FARSB: variants seen among roughly 807,000 people sequenced by gnomAD.
FARSB encodes the protein phenylalanyl-tRNA synthetase subunit beta.
A neutral mutation model predicts 69.6 loss-of-function variants in FARSB; 40 were observed. The ratio of observed to expected loss-of-function variants is 0.57; its 90% CI spans 0.45 to 0.75. The LOEUF (loss-of-function observed/expected upper bound fraction) is 0.75, where lower values mean the gene tolerates loss of function less well. Ranked by LOEUF, FARSB falls within the 30% of genes least tolerant of loss-of-function variation. The pLI, the probability that FARSB is intolerant of heterozygous loss-of-function variation, is 0.00. For synonymous variants in FARSB, 235 were observed against 247.2 expected (o/e 0.95, Z 0.46); for missense variants, 632 against 722.9 (o/e 0.87, Z 1.44).
At chr2:222,627,956 G>C (rs929958126) in intron 10 of FARSB, among the ~76,000 whole-genome samples, 4 of 152,208 alleles carry the variant, frequency 2.6e-5, no homozygotes, top group South Asian at 4.1e-4. Flanking sequence ...ATACTGTTAT[G>C]TTTTAGAACA....
Position 222,592,517 on chromosome 2 carries a change from G to A in FARSB, c.1618+7411C>T, listed in dbSNP as rs1320585162. 4.6e-5 allele frequency among the ~76,000 whole-genome samples: 7 copies of A among 151,948 alleles called. 1 individual carries two copies. The highest frequency in any genetic ancestry group is 4.6e-4 in the Admixed American group (7 of 15,216). The stretch of plus-strand genomic sequence containing the variant: ...TGAGGAAAGTAAATCTGTCTCACAT[G>A]TATAAGATAAAAACTGAGTAATCAG... On this transcript the variant is annotated intron_variant, in intron 16 of 16. Transcript: ENST00000281828.
intron 16 of FARSB, among the ~76,000 whole-genome samples, chr2:222,594,084 C>T (rs1317700732): frequency 1.5e-5 from 2 of 135,564 alleles, no homozygotes; most frequent in Non-Finnish European, 3.1e-5. Flanking sequence ...AGGCAAAAAC[C>T]CGCCTCTACA....
At chr2:222,576,102 C>T (rs1268137970) in intron 16 of FARSB, among the ~76,000 whole-genome samples, 1 of 151,714 alleles carries the variant, frequency 6.6e-6, no homozygotes, top group African/African-American at 2.4e-5. Context: ...CTGAGCAGAC[C>T]CCCTAATCTG....
chr2:222,651,616 T>A (rs1692039585), intron 1 of FARSB, among the ~76,000 whole-genome samples: 1 of 152,214 alleles, frequency 6.6e-6, no homozygotes, highest in Non-Finnish European at 1.5e-5. Context: ...TAGGGCTTAA[T>A]TAAGAGCACT....
At chr2:222,614,503 T>C (rs1690946084) in intron 14 of FARSB, among the ~76,000 whole-genome samples, 2 of 152,242 alleles carry the variant, frequency 1.3e-5, no homozygotes, top group Non-Finnish European at 2.9e-5. Flanking sequence ...TCCTGCCTCA[T>C]TTCACAAAGT....
intron 14 of FARSB, among the ~76,000 whole-genome samples, chr2:222,614,639 G>C (rs1012421200): frequency 1.3e-5 from 2 of 152,180 alleles, no homozygotes; most frequent in South Asian, 4.1e-4. Flanking sequence ...GAGGCTAGTA[G>C]TTCAAGACCA....
At chr2:222,634,637 C>A in intron 5 of FARSB, 96 bp from the exon 6 acceptor site, 1 of 896,604 alleles carries the variant, frequency 1.1e-6, no homozygotes, top group Non-Finnish European at 1.6e-6. Flanking sequence ...CTAAAGATAA[C>A]ATAAATATAG....
At chr2:222,589,096 C>T (rs1690195785) in intron 16 of FARSB, among the ~76,000 whole-genome samples, 1 of 152,144 alleles carries the variant, frequency 6.6e-6, no homozygotes, top group African/African-American at 2.4e-5. Context: ...CATCATGCTA[C>T]CTCAAACTTC....
intron 5 of FARSB, among the ~76,000 whole-genome samples, chr2:222,638,335 A>G (rs1300013709): frequency 6.6e-6 from 1 of 152,250 alleles, no homozygotes; most frequent in African/African-American, 2.4e-5. Context: ...AACAGAGCTT[A>G]AAGTTAAATT....
chr2:222,647,857 C>A (rs1440031750), intron 2 of FARSB, among the ~76,000 whole-genome samples: 3 of 152,228 alleles, frequency 2.0e-5, no homozygotes, highest in African/African-American at 7.2e-5. Flanking sequence ...AGTTCGAGAA[C>A]CAGCCTGGCC....
chr2:222,631,245 A>C (rs1691415200), intron 8 of FARSB, among the ~76,000 whole-genome samples: 1 of 152,134 alleles, frequency 6.6e-6, no homozygotes, highest in Admixed American at 6.5e-5. Flanking sequence ...ATATAAATTA[A>C]GTCAACTAGA....
Position 222,633,261 on chromosome 2 carries a change from G to A in FARSB, c.653C>T (p.Pro218Leu), listed in dbSNP as rs1691485120. 5 of 1,582,408 alleles carry A rather than the reference G, an allele frequency of 3.2e-6. No homozygotes were observed. Among genetic ancestry groups the A allele is most frequent in the Admixed American group, 3.6e-5 (2 of 55,736 alleles). ...GCTATCATAGATAACTGGATACAGG[G>A]GTTTGTTTTCAATGATATGTAAATA... ...KHYLHIIENK[P>L]LYPVIYDSNG... Residue 218 changes from proline to leucine, a missense_variant, in exon 7 of 17, where the codon CCC becomes CTC. Coordinates refer to ENST00000281828, the MANE Select transcript of FARSB (RefSeq NM_005687.5).
intron 2 of FARSB, 104 bp downstream of exon 2, chr2:222,648,636 A>G (rs1691937412): frequency 1.5e-5 from 12 of 789,254 alleles, no homozygotes; most frequent in Middle Eastern, 2.3e-4. Context: ...AAACATTATC[A>G]CCTTAGTCTA....
intron 16 of FARSB, among the ~76,000 whole-genome samples, chr2:222,598,332 A>T (rs1296929013): frequency 6.6e-6 from 1 of 152,224 alleles, no homozygotes; most frequent in Non-Finnish European, 1.5e-5. Flanking sequence ...TAAATATCTA[A>T]GGAACTGATT....
intron 16 of FARSB, among the ~76,000 whole-genome samples, chr2:222,596,919 A>T (rs979300629): frequency 1.3e-5 from 2 of 152,200 alleles, no homozygotes; most frequent in African/African-American, 4.8e-5. Context: ...GTTTTCTTCA[A>T]CCATAAACAA....
At chr2:222,612,795 G>A (rs1351394863) in intron 15 of FARSB, among the ~76,000 whole-genome samples, 1 of 152,184 alleles carries the variant, frequency 6.6e-6, no homozygotes, top group Non-Finnish European at 1.5e-5. Flanking sequence ...GTTTGAACAA[G>A]ACTGAATTCC....
At chr2:222,589,913 A>G (rs1372901352) in intron 16 of FARSB, among the ~76,000 whole-genome samples, 4 of 152,206 alleles carry the variant, frequency 2.6e-5, no homozygotes, top group Non-Finnish European at 5.9e-5. Context: ...TCACCCTGTT[A>G]GTGGGACTGT....
At chr2:222,596,024 G>C (rs1690405433) in intron 16 of FARSB, among the ~76,000 whole-genome samples, 1 of 152,054 alleles carries the variant, frequency 6.6e-6, no homozygotes. Flanking sequence ...CTGCTAAAAA[G>C]TTAAAGGTTC....
intron 16 of FARSB, among the ~76,000 whole-genome samples, chr2:222,593,171 G>A (rs140246935): frequency 9.6e-4 from 146 of 152,212 alleles, no homozygotes; most frequent in Non-Finnish European, 2.8e-4. Flanking sequence ...CCACAGGGGC[G>A]GAACTGGTTC....
Sources: gnomAD v4.1 joint callset for allele counts (sites outside exome capture counted in the v4.1 genomes callset) on GRCh38, gnomAD v4.1.1 for gene constraint, MANE v1.5 for transcripts, NCBI Gene and HGNC (gene_info 2026-07-23, HGNC 2026-07-21) for gene names.